Variants in CCDC32 observed in about 807,000 individuals in gnomAD.
CCDC32 encodes coiled-coil domain-containing protein 32.
Under a neutral mutation model 20.1 loss-of-function variants are expected in CCDC32, and 9 were observed. That is an observed-to-expected ratio of 0.45 (90% CI 0.27 to 0.78). The LOEUF is 0.78. Among genes scored for constraint, CCDC32 ranks in the 30% least tolerant of loss-of-function variants. The pLI is 0.16. For synonymous variants in CCDC32, 63 were observed against 79.0 expected (o/e 0.80, Z 1.07); for missense variants, 204 against 215.5 (o/e 0.95, Z 0.33).
chr15:40,563,019 G>T lies in CCDC32; in HGVS notation c.-4C>A. On this transcript the variant is annotated 5_prime_UTR_variant, in exon 2 of 4. Coordinates refer to ENST00000416810, the MANE Select transcript of CCDC32 (RefSeq NM_001080792.4). ...CAGCGCTCTCAAACATTTTCATTTG[G>T]AATCTGAGCTATAAAACAGAAGCTC... 1 of 1,613,608 alleles carries T rather than the reference G, an allele frequency of 6.2e-7. No homozygotes were observed. The highest frequency in any genetic ancestry group is 8.5e-7 in the Non-Finnish European group (1 of 1,179,892).
At chr15:40,535,005 C>A (rs559772031), downstream of CCDC32, 4 of 704,352 alleles carry the variant, frequency 5.7e-6, no homozygotes, top group African/African-American at 7.0e-5. Flanking sequence ...CTTCCCGAGC[C>A]CATGCCTGCC....
downstream of CCDC32, among the ~76,000 whole-genome samples, chr15:40,550,488 T>C (rs954781342): frequency 6.6e-6 from 1 of 152,216 alleles, no homozygotes; most frequent in African/African-American, 2.4e-5. Flanking sequence ...ACTTGACTTA[T>C]TTGTGACCAT....
chr15:40,538,417 C>T (rs1830881063), downstream of CCDC32: 1 of 152,244 alleles, frequency 6.6e-6, no homozygotes, highest in African/African-American at 2.4e-5. Flanking sequence ...CCCCTCGCCT[C>T]TCCCTCAAGG....
downstream of CCDC32, among the ~76,000 whole-genome samples, chr15:40,534,011 C>G (rs185707876): frequency 7.9e-5 from 12 of 152,358 alleles, no homozygotes; most frequent in African/African-American, 9.6e-5. Context: ...AAATATAAAT[C>G]AGCCCAGTTC....
intron 3 of CCDC32, among the ~76,000 whole-genome samples, chr15:40,544,895 T>C (rs1178016406): frequency 6.6e-6 from 1 of 152,244 alleles, no homozygotes; most frequent in Admixed American, 6.5e-5. Flanking sequence ...TCATGTTTCA[T>C]ACTTTGTCCC....
intron 1 of CCDC32, chr15:40,564,648 G>A: frequency 7.0e-7 from 1 of 1,421,776 alleles, no homozygotes; most frequent in African/African-American, 1.4e-5. Context: ...CAGCGTAAAG[G>A]CCGGAAGTAA....
intron 3 of CCDC32, 172 bp downstream of exon 3, chr15:40,557,044 A>G: frequency 1.6e-6 from 1 of 636,000 alleles, no homozygotes; most frequent in Non-Finnish European, 2.5e-6. Context: ...ATACTTAAAA[A>G]TGAACACAAT....
At chr15:40,557,636 A>G in intron 2 of CCDC32, 2 of 320,386 alleles carry the variant, frequency 6.2e-6, no homozygotes, top group South Asian at 5.3e-5. Context: ...AAATAAGTCA[A>G]TGGCATGTTT....
rs1304385138 is a variant in CCDC32 at position 40,553,744 on chromosome 15, A to C, written c.*227T>G. 1.5e-6 allele frequency: 2 copies of C among 1,352,822 alleles called. No homozygotes were observed. Among genetic ancestry groups the C allele is most frequent in the Non-Finnish European group, 1.9e-6 (2 of 1,053,440 alleles). The allele number at this position is 1,352,822 out of a possible 1,614,324, so 83.8% of individuals were successfully genotyped here. ...CAGTGTGCACTGGGTCAGTCACTTC[A>C]TCCGAGACAGTCACACATGCCAGCC... On this transcript the variant is annotated 3_prime_UTR_variant, in exon 4 of 4. Transcript: ENST00000416810.
rs1257137240 is a variant in CCDC32, at chr15:40,553,954, G to A, written c.*17C>T. The A allele has an allele frequency of 8.8e-7, 1 of 1,140,682 alleles. No individual in the cohort carries two copies. Among genetic ancestry groups the A allele is most frequent in the African/African-American group, 2.5e-5 (1 of 39,992 alleles). The allele number at this position is 1,140,682 out of a possible 1,614,324, so 70.7% of individuals were successfully genotyped here. On this transcript the variant is annotated 3_prime_UTR_variant, in exon 4 of 4. Transcript: ENST00000416810. Reference sequence around the variant, plus strand: ...TGTGTGTGTGTGTGTGTGTGTGTGTGTGTGTGTGTGTGTAATTTACTGTTC... The same window carrying A: ...TGTGTGTGTGTGTGTGTGTGTGTGTATGTGTGTGTGTGTAATTTACTGTTC...
chr15:40,529,149 C>T (rs1001086119), intron 3 of CCDC32, among the ~76,000 whole-genome samples: 1 of 152,224 alleles, frequency 6.6e-6, no homozygotes, highest in African/African-American at 2.4e-5. Flanking sequence ...CCCACACAAC[C>T]TTGGTGCACA....
At chr15:40,539,421 AAC>A (rs962692005) in intron 3 of CCDC32, 32 of 1,358,676 alleles carry the variant, frequency 2.4e-5, no homozygotes, top group Non-Finnish European at 3.2e-5. Context: ...GGCACACACT[AAC>A]AGAGTCAAAG....
downstream of CCDC32, among the ~76,000 whole-genome samples, chr15:40,532,811 T>TC (rs1888940007): frequency 6.7e-6 from 1 of 149,314 alleles, no homozygotes; most frequent in African/African-American, 2.5e-5. Context: ...AGCCTCGACT[T>TC]CCCGGGTTCA....
intron 1 of CCDC32, 148 bp downstream of exon 1, chr15:40,564,828 G>A (rs1156601138): frequency 1.9e-6 from 3 of 1,613,536 alleles, no homozygotes; most frequent in African/African-American, 2.7e-5. Flanking sequence ...AGGAAATTCC[G>A]GCGTCCAGAT....
At chr15:40,539,840 C>CGCCACACACACACA (rs1555413863) in intron 3 of CCDC32, among the ~76,000 whole-genome samples, 1 of 134,542 alleles carries the variant, frequency 7.4e-6, no homozygotes, top group Non-Finnish European at 1.6e-5. Flanking sequence ...CAAACTGTTG[C>CGCCACACACACACA]CACACACACA....
chr15:40,562,391 T>C (rs1260702908), intron 2 of CCDC32, among the ~76,000 whole-genome samples: 1 of 151,780 alleles, frequency 6.6e-6, no homozygotes, highest in Admixed American at 6.6e-5. Flanking sequence ...CTAGCCAACA[T>C]GGTGAAATGA....
downstream of CCDC32, chr15:40,539,186 G>T: frequency 6.9e-7 from 1 of 1,456,852 alleles, no homozygotes; most frequent in Non-Finnish European, 9.3e-7. Context: ...ACCACAGAAA[G>T]GTCAATCCCA....
At chr15:40,545,581 G>T (rs1035855444) in intron 3 of CCDC32, among the ~76,000 whole-genome samples, 1 of 152,150 alleles carries the variant, frequency 6.6e-6, no homozygotes, top group African/African-American at 2.4e-5. Flanking sequence ...TACATTGAGG[G>T]CTTAGGAAAG....
intron 3 of CCDC32, among the ~76,000 whole-genome samples, chr15:40,543,286 T>G (rs1355013050): frequency 6.6e-6 from 1 of 152,182 alleles, no homozygotes; most frequent in Non-Finnish European, 1.5e-5. Context: ...CAGCTGCACA[T>G]GTTTTCCCCT....
Sources: allele counts gnomAD v4.1 joint callset (sites outside exome capture counted in the v4.1 genomes callset), GRCh38; gene constraint gnomAD v4.1.1; transcripts MANE v1.5; gene names NCBI Gene and HGNC (gene_info 2026-07-23, HGNC 2026-07-21).